DST: variants seen among roughly 807,000 people sequenced by gnomAD.
The protein encoded by DST is bullous pemphigoid antigen.
In DST, 253 loss-of-function variants were observed where a neutral mutation model predicts 875.2. The observed-to-expected ratio is 0.29, with a 90% confidence interval of 0.26 to 0.32. DST has a LOEUF of 0.32. Among genes scored for constraint, DST ranks in the 10% least tolerant of loss-of-function variants. The probability of loss-of-function intolerance (pLI) is 1.00; values close to 1 mark genes in which losing one functional copy is unlikely to be tolerated. For missense variants in DST, 8,287 were observed against 9,111.6 expected (o/e 0.91, Z 3.68); for synonymous variants, 3,124 against 3,197.1 (o/e 0.98, Z 0.77).
chr6:56,752,607 G>C (rs1388237094), intron 4 of DST, among the ~76,000 whole-genome samples: 2 of 152,058 alleles, frequency 1.3e-5, no homozygotes, highest in Non-Finnish European at 2.9e-5. Context: ...CTTTCACTCA[G>C]CATAATACAT....
chr6:56,909,472 G>A (rs1384592972), intron 2 of DST, among the ~76,000 whole-genome samples: 1 of 152,144 alleles, frequency 6.6e-6, no homozygotes, highest in African/African-American at 2.4e-5. Flanking sequence ...CCAAGTCCCT[G>A]AATAACTACA....
intron 10 of DST, among the ~76,000 whole-genome samples, chr6:56,664,792 G>T (rs1442440883): frequency 6.6e-6 from 1 of 152,078 alleles, no homozygotes; most frequent in Non-Finnish European, 1.5e-5. Flanking sequence ...TCTAAAAAAA[G>T]TTAAAGTATA....
At chr6:56,514,721 T>A (rs1295116679) in intron 72 of DST, among the ~76,000 whole-genome samples, 1 of 152,012 alleles carries the variant, frequency 6.6e-6, no homozygotes, top group East Asian at 1.9e-4. Context: ...TAGCAAGAAA[T>A]CTAGTTTTTT....
chr6:56,850,111 C>A (rs537114791), intron 4 of DST, among the ~76,000 whole-genome samples: 38 of 152,338 alleles, frequency 2.5e-4, no homozygotes, highest in African/African-American at 8.7e-4. Flanking sequence ...TGCTCACTCT[C>A]AGTCTCCATC....
At chr6:56,830,468 T>C (rs1333189731) in intron 4 of DST, among the ~76,000 whole-genome samples, 1 of 152,222 alleles carries the variant, frequency 6.6e-6, no homozygotes, top group Non-Finnish European at 1.5e-5. Flanking sequence ...TCCAAAAATG[T>C]TACCAAGTAT....
In DST at chr6:56,618,667, G is replaced by T. The variant is rs1394164182; in HGVS notation, c.4930-4183C>A. 1 of 1,613,692 alleles carries T rather than the reference G, an allele frequency of 6.2e-7. No individual in the cohort carries two copies. The highest frequency in any genetic ancestry group is 8.5e-7 in the Non-Finnish European group (1 of 1,179,972). Reference sequence around the variant, plus strand: ...TTTCACAAAGCTTAGCATTTTCTTGGGCTCTAGAGTTTTCTTGTTGAAGAG... The same window carrying T: ...TTTCACAAAGCTTAGCATTTTCTTGTGCTCTAGAGTTTTCTTGTTGAAGAG... On this transcript the variant is annotated intron_variant, in intron 36 of 103. Coordinates refer to ENST00000680361, the MANE Select transcript of DST (RefSeq NM_001374736.1).
intron 4 of DST, among the ~76,000 whole-genome samples, chr6:56,754,595 T>C (rs958678908): frequency 1.3e-5 from 2 of 152,118 alleles, no homozygotes; most frequent in African/African-American, 4.8e-5. Context: ...AAACTGAAGA[T>C]ATAGCCCCTG....
intron 82 of DST, among the ~76,000 whole-genome samples, chr6:56,497,124 C>A (rs1338908370): frequency 6.6e-6 from 1 of 151,794 alleles, no homozygotes; most frequent in Non-Finnish European, 1.5e-5. Context: ...TGTAACTAAC[C>A]TGCACATTGT....
chr6:56,462,500 T>C (rs564024770), intron 102 of DST, among the ~76,000 whole-genome samples: 1 of 152,308 alleles, frequency 6.6e-6, no homozygotes, highest in South Asian at 2.1e-4. Context: ...CCCCCTGCAC[T>C]GATACTGAGA....
rs1400819093 is a variant in DST, at chr6:56,580,406, C to T, written c.12904-1469G>A. On this transcript the variant is annotated intron_variant, in intron 49 of 103. Transcript: ENST00000680361. ...TACAAAAAAAAATTAAAAAATTAGC[C>T]GGGCACGGTAGTCTGTGCCTGTAGT... Among the ~76,000 whole-genome samples, 5 of 151,882 alleles carry T rather than the reference C, an allele frequency of 3.3e-5. No homozygotes were observed. The South Asian group carries it at 6.2e-4, about 19-fold the overall frequency.
chr6:56,835,354 C>A (rs538655405), intron 4 of DST, among the ~76,000 whole-genome samples: 1 of 152,136 alleles, frequency 6.6e-6, no homozygotes, highest in Non-Finnish European at 1.5e-5. Flanking sequence ...TAATCAACTA[C>A]GTAATTGATG....
chr6:56,639,005 G>A (rs1251966297), intron 22 of DST: 2 of 544,718 alleles, frequency 3.7e-6, no homozygotes, highest in East Asian at 6.6e-5. Flanking sequence ...ACACAGAGAA[G>A]GTACTTCATA....
chr6:56,831,882 G>A (rs1438555564), intron 4 of DST, among the ~76,000 whole-genome samples: 1 of 151,800 alleles, frequency 6.6e-6, no homozygotes, highest in Non-Finnish European at 1.5e-5. Flanking sequence ...ATTAATTTCT[G>A]ACTAGAAATA....
At position 56,606,535 on chromosome 6, in the gene DST, T is replaced by C. The variant is rs1475937744; in HGVS notation, c.8093A>G (p.Asp2698Gly). The change falls in exon 40 of 104, where the codon GAT becomes GGT. Residue 2698 changes from aspartate (D) to glycine (G), a missense_variant. Asp to Gly is a moderately conservative substitution (Grantham distance 94). Around this residue, in one of 10 missense-constraint regions of DST, gnomAD observed 3,138 missense variants for 3,116.6 expected, o/e 1.01. Transcript: ENST00000680361. Reference protein sequence around the residue: ...LQDFLMDVEKDELDSGEKIHL... With the variant: ...LQDFLMDVEKGELDSGEKIHL... Reference sequence around the variant, plus strand: ...TATTTTTTCACCAGAATCTAATTCATCTTTCTCAACATCCATAAGGAAATC... The same window carrying C: ...TATTTTTTCACCAGAATCTAATTCACCTTTCTCAACATCCATAAGGAAATC... 2 of 1,613,508 alleles carry C rather than the reference T, an allele frequency of 1.2e-6. No homozygotes were observed. Among genetic ancestry groups the C allele is most frequent in the Non-Finnish European group, 1.7e-6 (2 of 1,179,600 alleles).
intron 36 of DST, chr6:56,615,475 C>CA (rs761537591): frequency 5.0e-6 from 8 of 1,613,080 alleles, no homozygotes; most frequent in Non-Finnish European, 6.8e-6. Flanking sequence ...TGGCATGAAC[C>CA]AGCCTGCATC....
Position 56,607,834 on chromosome 6 carries a change from G to A in DST, c.6794C>T (p.Ser2265Leu). ...SSSGVFLNNA[S>L]GREKDECTAT... is the part of the protein sequence containing the mutation. Reference sequence around the variant, plus strand: ...TGTACATTCATCCTTTTCTCTACCTGAAGCATTATTAAGAAATACACCAGA... The same window carrying A: ...TGTACATTCATCCTTTTCTCTACCTAAAGCATTATTAAGAAATACACCAGA... The change falls in exon 40 of 104, where the codon TCA (serine) becomes TTA (leucine). Residue 2265 changes from serine to leucine, a missense_variant. By Grantham distance (145) the Ser-to-Leu change is moderately radical (BLOSUM62 -2). Transcript: ENST00000680361. 6 of 1,613,308 alleles carry A rather than the reference G, an allele frequency of 3.7e-6. No individual in the cohort carries two copies. Among genetic ancestry groups the A allele is most frequent in the Non-Finnish European group, 5.1e-6 (6 of 1,179,664 alleles).
Position 56,648,534 on chromosome 6 carries a change from G to A in DST, c.1554+36C>T, listed in dbSNP as rs553605847. The A allele has an allele frequency of 1.3e-5, 20 of 1,523,914 alleles. No individual in the cohort carries two copies. In the South Asian group the frequency reaches 2.1e-4, roughly 16 times the overall value. The allele number at this position is 1,523,914 out of a possible 1,614,324, so 94.4% of individuals were successfully genotyped here. ...TAGCATTACTTAAGGGTTTACAATT[G>A]AATCAATCCTATGTAATTTCTACAG... On this transcript the variant is annotated intron_variant, in intron 13 of 103. Transcript: ENST00000680361.
intron 4 of DST, among the ~76,000 whole-genome samples, chr6:56,808,296 T>C (rs1271386889): frequency 5.9e-5 from 9 of 152,178 alleles, no homozygotes; most frequent in Non-Finnish European, 1.3e-4. Context: ...TGCTACTTTT[T>C]TCTCAAAAAT....
intron 49 of DST, among the ~76,000 whole-genome samples, chr6:56,587,705 CA>C (rs2098185388): frequency 6.6e-6 from 1 of 152,148 alleles, no homozygotes; most frequent in South Asian, 2.1e-4. Context: ...AGACTAACAG[CA>C]GATCTCTCGG....
Sources: gnomAD v4.1 joint callset for allele counts (sites outside exome capture counted in the v4.1 genomes callset) on GRCh38, gnomAD v4.1.1 for gene constraint, gnomAD v4.1.1 regional missense constraint, MANE v1.5 for transcripts, NCBI Gene and HGNC (gene_info 2026-07-23, HGNC 2026-07-21) for gene names.